The following SESN1 variants were observed in gnomAD, a reference collection of about 807,000 sequenced individuals.
SESN1 encodes the protein sestrin 1.
A neutral mutation model predicts 59.3 loss-of-function variants in SESN1; 30 were observed. That is an observed-to-expected ratio of 0.51 (90% CI 0.38 to 0.69). The LOEUF is 0.69. SESN1 is among the 30% of genes least tolerant of loss of function. The probability of loss-of-function intolerance (pLI) is 0.00; values close to 1 mark genes in which losing one functional copy is unlikely to be tolerated. For synonymous variants in SESN1, 197 were observed against 219.9 expected (o/e 0.90, Z 0.92); for missense variants, 566 against 673.0 (o/e 0.84, Z 1.76).
At chr6:109,006,779 C>G (rs1484441751) in intron 1 of SESN1, among the ~76,000 whole-genome samples, 3 of 152,158 alleles carry the variant, frequency 2.0e-5, no homozygotes. Context: ...CAACTCTTTT[C>G]TAGTAGATGC....
At chr6:108,995,990 C>T (rs894309623) in intron 5 of SESN1, among the ~76,000 whole-genome samples, 2 of 152,166 alleles carry the variant, frequency 1.3e-5, no homozygotes, top group East Asian at 1.9e-4. Flanking sequence ...TATTCTAACA[C>T]AACCCTCTCC....
At chr6:109,052,829 T>G (rs543528874) in intron 1 of SESN1, among the ~76,000 whole-genome samples, 57 of 152,184 alleles carry the variant, frequency 3.7e-4, no homozygotes, top group Non-Finnish European at 7.5e-4. Flanking sequence ...GTCCCTACAC[T>G]CGACAAATAT....
At position 109,094,343 on chromosome 6, in the gene SESN1, G is replaced by A. The variant is rs1441062751; in HGVS notation, c.-270C>T. 2 of 463,968 alleles carry A rather than the reference G, an allele frequency of 4.3e-6. No homozygotes were observed. Among genetic ancestry groups the A allele is most frequent in the African/African-American group, 4.0e-5 (2 of 50,276 alleles). 28.7% of individuals were successfully genotyped at this position (463,968 alleles called of 1,614,324 possible). A position where few individuals can be genotyped will look rare whatever the true frequency, so the allele number is the denominator to read the frequency against. On this transcript the variant is annotated 5_prime_UTR_variant, in exon 1 of 10. Coordinates refer to ENST00000436639, the MANE Select transcript of SESN1 (RefSeq NM_014454.3). ...TTGCAACCTTGCAGCGCTGGCTTTG[G>A]TGGGCAGAGAATTTCGGGGAAGCGT...
intron 1 of SESN1, among the ~76,000 whole-genome samples, chr6:109,022,664 T>C (rs1235333004): frequency 6.6e-6 from 1 of 151,980 alleles, no homozygotes; most frequent in Non-Finnish European, 1.5e-5. Context: ...TCTGTCCGCC[T>C]CGGCCTCCCA....
chr6:108,993,741 A>C (rs1027189608), intron 6 of SESN1, among the ~76,000 whole-genome samples: 2 of 151,974 alleles, frequency 1.3e-5, no homozygotes, highest in East Asian at 1.9e-4. Flanking sequence ...AAATCATATA[A>C]TTTTTGTTGT....
At chr6:109,019,346 A>G (rs1046299086) in intron 1 of SESN1, among the ~76,000 whole-genome samples, 1 of 152,194 alleles carries the variant, frequency 6.6e-6, no homozygotes, top group Non-Finnish European at 1.5e-5. Context: ...TGCTCCAATA[A>G]TTTCAACTGG....
At chr6:109,029,508 T>G (rs991603647) in intron 1 of SESN1, among the ~76,000 whole-genome samples, 7 of 152,156 alleles carry the variant, frequency 4.6e-5, no homozygotes, top group African/African-American at 1.7e-4. Context: ...CTCAAGCCAC[T>G]CCTTTCCTCC....
rs1360984884 is a variant in SESN1, at chr6:109,050,430, TAG to T, written c.279+43363_279+43364del. On this transcript the variant is annotated intron_variant, in intron 1 of 9. Coordinates refer to ENST00000436639, the MANE Select transcript of SESN1 (RefSeq NM_014454.3). Reference sequence around the variant, plus strand: ...AGTCATTTTAATGTACAGTGAATCATAGACTTTCCATCTTGCAAAGGAGACAG... The same window carrying T: ...AGTCATTTTAATGTACAGTGAATCATACTTTCCATCTTGCAAAGGAGACAG... 4.6e-5 allele frequency among the ~76,000 whole-genome samples: 7 copies of T among 150,792 alleles called. No individual in the cohort carries two copies. The East Asian group carries it at 7.8e-4, about 17-fold the overall frequency.
intron 1 of SESN1, among the ~76,000 whole-genome samples, chr6:109,022,652 G>C (rs1197917137): frequency 4.0e-5 from 6 of 151,874 alleles, no homozygotes; most frequent in African/African-American, 1.5e-4. Flanking sequence ...CTGACCTCGT[G>C]ATCTGTCCGC....
Position 109,001,484 on chromosome 6 carries a change from A to C in SESN1, c.350T>G (p.Leu117Arg), listed in dbSNP as rs775940697. 6.2e-7 allele frequency: 1 copy of C among 1,611,694 alleles called. No individual in the cohort carries two copies. The highest frequency in any genetic ancestry group is 1.1e-5 in the South Asian group (1 of 90,810). The change falls in exon 3 of 10, where the codon CTC becomes CGC. Residue 117 changes from leucine to arginine, a missense_variant. Physicochemically the swap from Leu to Arg is moderately radical, Grantham distance 102. Coordinates refer to ENST00000436639, the MANE Select transcript of SESN1 (RefSeq NM_014454.3). Reference protein sequence around the residue: ...PSRFIPEKEILQVGSEDAQMH... With the variant: ...PSRFIPEKEIRQVGSEDAQMH... ...CTGTGCGTCTTCACTCCCCACTTGG[A>C]GGATCTGTATAAATGAGAAAAACCA...
intron 1 of SESN1, among the ~76,000 whole-genome samples, chr6:109,029,539 A>G (rs1025360982): frequency 6.6e-6 from 1 of 152,034 alleles, no homozygotes; most frequent in African/African-American, 2.4e-5. Flanking sequence ...AGATTTGTCT[A>G]TTCTGTTTCT....
chr6:109,012,771 A>G (rs149114475), intron 1 of SESN1, among the ~76,000 whole-genome samples: 284 of 152,276 alleles, frequency 1.9e-3, no homozygotes, highest in Middle Eastern at 6.8e-3. Context: ...AGGAAGCTCA[A>G]TGGGTCTGGA....
At chr6:109,020,784 AAC>A (rs1196363558) in intron 1 of SESN1, among the ~76,000 whole-genome samples, 7 of 151,870 alleles carry the variant, frequency 4.6e-5, no homozygotes, top group African/African-American at 1.7e-4. Context: ...AACAATAGTT[AAC>A]AGTTTTCTTC....
chr6:109,083,813 T>TA (rs1225843381), intron 1 of SESN1, among the ~76,000 whole-genome samples: 1 of 152,238 alleles, frequency 6.6e-6, no homozygotes, highest in African/African-American at 2.4e-5. Flanking sequence ...GCTCAGTTTT[T>TA]ATCACATGAT....
intron 1 of SESN1, among the ~76,000 whole-genome samples, chr6:109,067,750 C>T (rs1780859433): frequency 1.3e-5 from 2 of 152,220 alleles, no homozygotes; most frequent in South Asian, 4.1e-4. Context: ...TCTCAATCCA[C>T]TCATCAAAAT....
At chr6:108,995,379 A>G (rs1334360105) in intron 5 of SESN1, among the ~76,000 whole-genome samples, 1 of 152,194 alleles carries the variant, frequency 6.6e-6, no homozygotes, top group Non-Finnish European at 1.5e-5. Flanking sequence ...CAATTTACCA[A>G]TTAAACATGA....
intron 1 of SESN1, among the ~76,000 whole-genome samples, chr6:109,006,462 C>T (rs778390232): frequency 1.5e-5 from 2 of 137,170 alleles, no homozygotes; most frequent in East Asian, 2.4e-4. Flanking sequence ...CCCTACCCCA[C>T]GACAGGCCCC....
rs1780769385 is a variant in SESN1, at chr6:109,063,763, C to T, written c.279+30032G>A. 5.3e-5 allele frequency among the ~76,000 whole-genome samples: 8 copies of T among 152,036 alleles called. No individual in the cohort carries two copies. The South Asian group carries it at 1.7e-3, about 32-fold the overall frequency. The stretch of plus-strand genomic sequence containing the variant: ...TCTACTCAATCTATAAATTCGTCAC[C>T]AGGGGAGTTTTAACCATTTACATAT... On this transcript the variant is annotated intron_variant, in intron 1 of 9. Transcript: ENST00000436639.
intron 1 of SESN1, among the ~76,000 whole-genome samples, chr6:109,071,771 AG>A (rs1243945697): frequency 5.9e-5 from 9 of 152,232 alleles, no homozygotes; most frequent in Non-Finnish European, 8.8e-5. Flanking sequence ...CAGAGGCACG[AG>A]CTAACATTTA....
Sources: gnomAD v4.1 joint callset for allele counts (sites outside exome capture counted in the v4.1 genomes callset) on GRCh38, gnomAD v4.1.1 for gene constraint, MANE v1.5 for transcripts, NCBI Gene and HGNC (gene_info 2026-07-23, HGNC 2026-07-21) for gene names.